Variants in HMGN5 observed in about 807,000 individuals in gnomAD.
HMGN5 encodes the protein high mobility group nucleosome-binding domain-containing protein 5.
Under a neutral mutation model 9.5 loss-of-function variants are expected in HMGN5, and 4 were observed. The observed-to-expected ratio is 0.42, with a 90% CI of 0.21 to 0.96. The LOEUF is 0.96. HMGN5 is among the 40% of genes least tolerant of loss of function. HMGN5 has a pLI of 0.30. For synonymous variants in HMGN5, 55 were observed against 57.1 expected (o/e 0.96, Z 0.16); for missense variants, 192 against 187.5 (o/e 1.02, Z -0.14).
intron 1 of HMGN5, among the ~76,000 whole-genome samples, chrX:81,196,046 T>A (rs1177247354): frequency 9.0e-6 from 1 of 110,925 alleles, no homozygotes; most frequent in Non-Finnish European, 1.9e-5. Context: ...TGAGACAGGA[T>A]AAGAATTCTT....
At chrX:81,195,307 G>A (rs994786352) in intron 1 of HMGN5, 1 of 111,437 alleles carries the variant, frequency 9.0e-6, no homozygotes. Flanking sequence ...TCTAGTACGG[G>A]AGAAAGATGT....
chrX:81,161,904 AAGAATGC>A (rs1569347774), intron 1 of HMGN5, among the ~76,000 whole-genome samples: 1 of 109,679 alleles, frequency 9.1e-6, no homozygotes, highest in Non-Finnish European at 1.9e-5. Flanking sequence ...TCTTATTATA[AAGAATGC>A]AGTACTTGGT....
chrX:81,193,808 A>C (rs1473430155), intron 1 of HMGN5, among the ~76,000 whole-genome samples: 1 of 112,187 alleles, frequency 8.9e-6, no homozygotes, highest in Non-Finnish European at 1.9e-5. Flanking sequence ...TTGTATTTGT[A>C]TATTGCGGTT....
At chrX:81,189,321 T>C (rs1454724520) in intron 1 of HMGN5, among the ~76,000 whole-genome samples, 1 of 111,404 alleles carries the variant, frequency 9.0e-6, no homozygotes, top group Non-Finnish European at 1.9e-5. Context: ...TTTTATTGTT[T>C]TTTATTTTGT....
At chrX:81,164,272 TA>T (rs2075405328) in intron 1 of HMGN5, among the ~76,000 whole-genome samples, 1 of 111,443 alleles carries the variant, frequency 9.0e-6, no homozygotes, top group African/African-American at 3.3e-5. Context: ...TTGATGGGAG[TA>T]AAACTGAATC....
chrX:81,126,887 A>G (rs2075285375), intron 1 of HMGN5, among the ~76,000 whole-genome samples: 1 of 111,725 alleles, frequency 9.0e-6, no homozygotes. Flanking sequence ...AGCACCTAAT[A>G]TCTACTCTCT....
intron 1 of HMGN5, among the ~76,000 whole-genome samples, chrX:81,197,356 C>T (rs996121325): frequency 3.6e-5 from 4 of 111,692 alleles, no homozygotes; most frequent in Admixed American, 1.9e-4. Flanking sequence ...GTTTTTCAGA[C>T]AGTTCATTAA....
intron 1 of HMGN5, among the ~76,000 whole-genome samples, chrX:81,157,971 G>T (rs1451148521): frequency 9.1e-6 from 1 of 110,028 alleles, no homozygotes; most frequent in African/African-American, 3.3e-5. Context: ...CAGTAGAGAC[G>T]GGGCTTCACC....
chrX:81,134,876 T>C (rs1222053433), intron 1 of HMGN5, among the ~76,000 whole-genome samples: 2 of 111,160 alleles, frequency 1.8e-5, no homozygotes, highest in African/African-American at 6.5e-5. Flanking sequence ...GAGCAAAAAA[T>C]AGTCTTTTCA....
chrX:81,157,083 C>A (rs1231131768), intron 1 of HMGN5, among the ~76,000 whole-genome samples: 1 of 111,613 alleles, frequency 9.0e-6, no homozygotes, highest in African/African-American at 3.3e-5. Flanking sequence ...CAAAGCCTGG[C>A]AGAGGTTTGA....
chrX:81,180,509 T>C lies in HMGN5; in HGVS notation c.-124+21228A>G, dbSNP rs182574233. On this transcript the variant is annotated intron_variant, in intron 1 of 6. Transcript: ENST00000358130. ...TCAAAACCACAGTGAGATACCATCT[T>C]GTGCCAGTTAGAATGACAATCATTA... Among the ~76,000 whole-genome samples the C allele has an allele frequency of 6.0e-3, 672 of 112,105 alleles. 3 individuals carry two copies. The highest frequency in any genetic ancestry group is 0.021 in the African/African-American group (642 of 30,861).
At chrX:81,146,682 C>A (rs932279458) in intron 1 of HMGN5, among the ~76,000 whole-genome samples, 8 of 111,642 alleles carry the variant, frequency 7.2e-5, no homozygotes, top group African/African-American at 2.6e-4. Flanking sequence ...ACATAAAAAA[C>A]CCTTCAAAAA....
At position 81,123,370 on chromosome X, in the gene HMGN5, G is replaced by A. The variant is rs956331519; in HGVS notation, c.-123-1698C>T. Among the ~76,000 whole-genome samples, 38 of 111,341 alleles carry A rather than the reference G, an allele frequency of 3.4e-4. No individual in the cohort carries two copies. The Admixed American group carries it at 3.4e-3, about 10-fold the overall frequency. On this transcript the variant is annotated intron_variant, in intron 1 of 6. Transcript: ENST00000358130. ...CTAATTCAAGTAAGTAAATCAGAAA[G>A]ATATTTAAATTGCTTCCTTCGTCCA...
chrX:81,175,254 T>C (rs955235084), intron 1 of HMGN5, among the ~76,000 whole-genome samples: 1 of 111,485 alleles, frequency 9.0e-6, no homozygotes, highest in African/African-American at 3.3e-5. Context: ...GTTAATAGAA[T>C]GGTGCTGGAA....
intron 1 of HMGN5, among the ~76,000 whole-genome samples, chrX:81,180,791 G>A (rs1320568469): frequency 1.8e-5 from 2 of 111,662 alleles, no homozygotes; most frequent in Non-Finnish European, 1.9e-5. Context: ...TAAAGACTTG[G>A]AACTAACCCT....
chrX:81,151,964 C>A (rs964712814), intron 1 of HMGN5, among the ~76,000 whole-genome samples: 1 of 111,306 alleles, frequency 9.0e-6, no homozygotes, highest in Non-Finnish European at 1.9e-5. Flanking sequence ...AAACTGGATC[C>A]CTTCCTTACA....
rs781292206 is a variant in HMGN5 at position 81,147,570 on chromosome X, A to C, written c.-123-25898T>G. Among the ~76,000 whole-genome samples, 8 of 111,822 alleles carry C rather than the reference A, an allele frequency of 7.2e-5. No homozygotes were observed. The East Asian group carries it at 2.0e-3, about 28-fold the overall frequency. On this transcript the variant is annotated intron_variant, in intron 1 of 6. Coordinates refer to ENST00000358130, the MANE Select transcript of HMGN5 (RefSeq NM_030763.3). ...AGAAGCATTCCCTTTGAAAACCGGC[A>C]CAAGACAAGGATGCCCTCTCTCACC...
chrX:81,189,038 T>A (rs2075486518), intron 1 of HMGN5, among the ~76,000 whole-genome samples: 1 of 112,132 alleles, frequency 8.9e-6, no homozygotes, highest in African/African-American at 3.2e-5. Context: ...TTTTAGCATT[T>A]CTTGTGGGAC....
chrX:81,165,128 G>C (rs1413710720), intron 1 of HMGN5, among the ~76,000 whole-genome samples: 3 of 111,253 alleles, frequency 2.7e-5, no homozygotes, highest in African/African-American at 6.5e-5. Flanking sequence ...TAAGAATTCA[G>C]TATGGGCTAC....
Sources: allele counts gnomAD v4.1 joint callset (sites outside exome capture counted in the v4.1 genomes callset), GRCh38; gene constraint gnomAD v4.1.1; transcripts MANE v1.5; gene names NCBI Gene and HGNC (gene_info 2026-07-23, HGNC 2026-07-21).